Variants in VGF observed in about 807,000 individuals in gnomAD.
VGF encodes VGF nerve growth factor inducible, also known as neurosecretory protein VGF.
Under a neutral mutation model 41.1 loss-of-function variants are expected in VGF, and 13 were observed. The ratio of observed to expected loss-of-function variants is 0.32; its 90% CI spans 0.21 to 0.50. VGF has a LOEUF of 0.50. Among genes scored for constraint, VGF ranks in the 20% least tolerant of loss-of-function variants. VGF has a pLI of 0.98. For missense variants in VGF, 920 were observed against 882.1 expected (o/e 1.04, Z -0.54); for synonymous variants, 473 against 418.3 (o/e 1.13, Z -1.60).
intron 1 of VGF, 158 bp from the exon 2 acceptor site, chr7:101,165,021 T>A (rs1797195758): frequency 2.0e-5 from 27 of 1,338,994 alleles, no homozygotes; most frequent in Non-Finnish European, 2.5e-5. Context: ...AGGAGGAAGA[T>A]GTTGTGCCGA....
chr7:101,164,983 T>C (rs1368446491), intron 1 of VGF, 120 bp from the exon 2 acceptor site: 2 of 1,384,986 alleles, frequency 1.4e-6, no homozygotes, highest in African/African-American at 1.5e-5. Flanking sequence ...CCCCAAACCT[T>C]ACCCAGAAGA....
At position 101,163,613 on chromosome 7, in the gene VGF, C is replaced by G. The variant is rs908901172; in HGVS notation, c.1231G>C (p.Gly411Arg). 1.2e-5 allele frequency: 18 copies of G among 1,551,648 alleles called. No individual in the cohort carries two copies. The highest frequency in any genetic ancestry group is 1.8e-4 in the Middle Eastern group (1 of 5,676). ...NALLFAEEED[G>R]EAGAEDKRSQ... ...CGCTTGTCCTCGGCGCCGGCTTCCCCGTCCTCCTCCTCCGCGAACAGGAGC... is the reference window on the plus strand; with the variant it reads ...CGCTTGTCCTCGGCGCCGGCTTCCCGGTCCTCCTCCTCCGCGAACAGGAGC... The change falls in exon 2 of 2, where the codon GGG (glycine) becomes CGG (arginine). Residue 411 changes from glycine (G) to arginine (R), a missense_variant. Coordinates refer to ENST00000249330, the MANE Select transcript of VGF (RefSeq NM_003378.4). The surrounding 1 kb of genome is among the most constrained non-coding windows in gnomAD (Gnocchi z 5.0).
upstream of VGF, among the ~76,000 whole-genome samples, chr7:101,169,906 G>A (rs1797279991): frequency 1.3e-5 from 2 of 152,312 alleles, no homozygotes; most frequent in African/African-American, 4.8e-5. Flanking sequence ...ACACTCACAC[G>A]GACGAAAACC....
chr7:101,164,547 T>A lies in VGF; in HGVS notation c.297A>T (p.Pro99=), dbSNP rs1170641005. 1 of 1,599,232 alleles carries A rather than the reference T, an allele frequency of 6.3e-7. No individual in the cohort carries two copies. The highest frequency in any genetic ancestry group is 1.1e-5 in the South Asian group (1 of 90,498). Residue 99 remains proline (P), a synonymous_variant, in exon 2 of 2, where the codon CCA becomes CCT. Coordinates refer to ENST00000249330, the MANE Select transcript of VGF (RefSeq NM_003378.4). Reference sequence around the variant, plus strand: ...CCTCCGGCCCCTGCTGGGAGCCGCTTGGTGCCGGGGGTGAGGCGGGACGGT... The same window carrying A: ...CCTCCGGCCCCTGCTGGGAGCCGCTAGGTGCCGGGGGTGAGGCGGGACGGT... ...ALDRPASPPA[P]SGSQQGPEEE...
rs369363364 is a variant in VGF, at chr7:101,163,095, C to G, written c.1749G>C (p.Ala583=). The change falls in exon 2 of 2, where the codon GCG becomes GCC. Residue 583 remains alanine (A), a synonymous_variant. Coordinates refer to ENST00000249330, the MANE Select transcript of VGF (RefSeq NM_003378.4). This position sits in a 1 kb window ranked among gnomAD's most constrained non-coding sequence, Gnocchi z 5.0. ...SRHYPGREAQ[A]RRAQEEAEAE... ...CCTCCGCCTCCTCCTGCGCGCGCCG[C>G]GCCTGGGCCTCCCGGCCGGGATAGT... 7.6e-6 allele frequency: 12 copies of G among 1,579,238 alleles called. No individual in the cohort carries two copies. Among genetic ancestry groups the G allele is most frequent in the Non-Finnish European group, 1.0e-5 (12 of 1,166,588 alleles).
In VGF at chr7:101,164,304, C is replaced by G. The variant is rs765733381; in HGVS notation, c.540G>C (p.Thr180=). Residue 180 remains threonine, a synonymous_variant, in exon 2 of 2, where the codon ACG becomes ACC. Transcript: ENST00000249330. ...TGCGGGTTTCCGTCTCTGCTGCCGCCGTCTCCTGCTGGCGCTTGGCGCTAC... is the reference window on the plus strand; with the variant it reads ...TGCGGGTTTCCGTCTCTGCTGCCGCGGTCTCCTGCTGGCGCTTGGCGCTAC... ...SPSSAKRQQE[T]AAAETETRTH... 1.9e-6 allele frequency: 3 copies of G among 1,609,672 alleles called. No homozygotes were observed. The highest frequency in any genetic ancestry group is 2.5e-6 in the Non-Finnish European group (3 of 1,179,828).
At position 101,164,406 on chromosome 7, in the gene VGF, C is replaced by A. The variant is rs1353931506; in HGVS notation, c.438G>T (p.Gly146=). 3 of 1,610,724 alleles carry A rather than the reference C, an allele frequency of 1.9e-6. No individual in the cohort carries two copies. The highest frequency in any genetic ancestry group is 2.5e-6 in the Non-Finnish European group (3 of 1,179,702). ...CCTCGGAGGGATCGCTCGCCTCGGG[C>A]CCATTCTCCGGAGTCTGAGGGCGAG... ...APPRPQTPEN[G]PEASDPSEEL... The change falls in exon 2 of 2, where the codon GGG becomes GGT. Residue 146 remains glycine, a synonymous_variant. Transcript: ENST00000249330.
Position 101,162,693 on chromosome 7 carries a change from G to A in VGF, c.*303C>T. The A allele has an allele frequency of 1.9e-6, 1 of 515,062 alleles. No homozygotes were observed. Among genetic ancestry groups the A allele is most frequent in the Non-Finnish European group, 3.7e-6 (1 of 273,300 alleles). 31.9% of individuals were successfully genotyped at this position (515,062 alleles called of 1,614,324 possible). ...CAATTAACTGGAACTGCTTTTTCCG[G>A]TTTCCGACGGGGACGTCCCCAGAGG... On this transcript the variant is annotated 3_prime_UTR_variant, in exon 2 of 2. Coordinates refer to ENST00000249330, the MANE Select transcript of VGF (RefSeq NM_003378.4). This position sits in a 1 kb window ranked among gnomAD's most constrained non-coding sequence, Gnocchi z 4.2.
upstream of VGF, chr7:101,165,626 C>T (rs955956410): frequency 5.7e-5 from 56 of 985,266 alleles, no homozygotes; most frequent in South Asian, 9.4e-5. Flanking sequence ...GTCACGTGGG[C>T]GCGCCCCGCC....
chr7:101,169,016 C>T (rs182086921), upstream of VGF, among the ~76,000 whole-genome samples: 357 of 152,210 alleles, frequency 2.3e-3, 1 homozygote, highest in African/African-American at 8.0e-3. Flanking sequence ...CTTGCCCTAT[C>T]CTCTCCCCAT....
intron 1 of VGF, 29 bp from the exon 2 acceptor site, chr7:101,164,892 G>C: frequency 6.6e-7 from 1 of 1,503,900 alleles, no homozygotes; most frequent in Non-Finnish European, 8.9e-7. Flanking sequence ...CAAAAAAAGA[G>C]GATTTCTGTA....
At position 101,163,689 on chromosome 7, in the gene VGF, C is replaced by T. The variant is rs917741204; in HGVS notation, c.1155G>A (p.Ala385=). 1 of 1,537,314 alleles carries T rather than the reference C, an allele frequency of 6.5e-7. No individual in the cohort carries two copies. Among genetic ancestry groups the T allele is most frequent in the Non-Finnish European group, 8.7e-7 (1 of 1,147,044 alleles). The change falls in exon 2 of 2, where the codon GCG becomes GCA. Residue 385 remains alanine (A), a synonymous_variant. Transcript: ENST00000249330. This position sits in a 1 kb window ranked among gnomAD's most constrained non-coding sequence, Gnocchi z 5.0. ...EERVGEEDEE[A]AEAEAEAEEA... ...CCTCCGCCTCTGCCTCCGCCTCGGC[C>T]GCCTCCTCATCCTCTTCCCCCACCC...
rs909108577 is a variant in VGF, at chr7:101,163,411, T to C, written c.1433A>G (p.Glu478Gly). The C allele has an allele frequency of 4.4e-6, 7 of 1,607,532 alleles. No homozygotes were observed. The highest frequency in any genetic ancestry group is 5.1e-6 in the Non-Finnish European group (6 of 1,179,532). The change falls in exon 2 of 2, where the codon GAG (glutamate) becomes GGG (glycine). Residue 478 changes from glutamate to glycine, a missense_variant. Coordinates refer to ENST00000249330, the MANE Select transcript of VGF (RefSeq NM_003378.4). The surrounding 1 kb of genome is among the most constrained non-coding windows in gnomAD (Gnocchi z 5.0). ...DVVSIIEEVE[E>G]KRKRKKNAPP... ...GGCGTTCTTCTTCCGCTTCCGCTTCTCCTCCACCTCCTCGATGATGCTGAC... is the reference window on the plus strand; with the variant it reads ...GGCGTTCTTCTTCCGCTTCCGCTTCCCCTCCACCTCCTCGATGATGCTGAC...
chr7:101,164,998 C>T (rs1181744425), intron 1 of VGF, 135 bp from the exon 2 acceptor site: 11 of 1,374,424 alleles, frequency 8.0e-6, no homozygotes, highest in Non-Finnish European at 1.0e-5. Context: ...AGAAGAGGAA[C>T]GTTTAGGAGC....
chr7:101,164,888 AAG>A lies in VGF; in HGVS notation c.-20-27_-20-26del, dbSNP rs1562869944. ...ACTGAAAAATAGAAGGGACCAAAAA[AAG>A]AGGATTTCTGTAAGAATTCCCCTCT... On this transcript the variant is annotated intron_variant, in intron 1 of 1. Transcript: ENST00000249330. 2.0e-6 allele frequency: 3 copies of A among 1,507,708 alleles called. No homozygotes were observed. In the South Asian group the frequency reaches 4.1e-5, roughly 20 times the overall value. 93.4% of individuals were successfully genotyped at this position (1,507,708 alleles called of 1,614,324 possible). A position where few individuals can be genotyped will look rare whatever the true frequency, so the allele number is the denominator to read the frequency against.
rs770683595 is a variant in VGF, at chr7:101,163,758, C to T, written c.1086G>A (p.Arg362=). Residue 362 remains arginine, a synonymous_variant, in exon 2 of 2, where the codon AGG becomes AGA. Transcript: ENST00000249330. The surrounding 1 kb of genome is among the most constrained non-coding windows in gnomAD (Gnocchi z 5.0). ...QEAAEERESA[R]EEEEAEQERR... ...TCTCCTGCTCCGCCTCCTCCTCCTC[C>T]CTTGCACTCTCTCGCTCCTCCGCCG... 2.0e-6 allele frequency: 3 copies of T among 1,532,622 alleles called. No homozygotes were observed. Among genetic ancestry groups the T allele is most frequent in the African/African-American group, 1.4e-5 (1 of 73,098 alleles). The allele number at this position is 1,532,622 out of a possible 1,614,324, so 94.9% of individuals were successfully genotyped here. A position where few individuals can be genotyped will look rare whatever the true frequency, so the allele number is the denominator to read the frequency against.
At chr7:101,169,283 C>A (rs564661968), upstream of VGF, among the ~76,000 whole-genome samples, 38 of 141,044 alleles carry the variant, frequency 2.7e-4, no homozygotes, top group Non-Finnish European at 4.3e-4. Flanking sequence ...GAAGAGAGAG[C>A]CACTGGAGAG....
upstream of VGF, among the ~76,000 whole-genome samples, chr7:101,167,657 G>C (rs548806331): frequency 1.4e-4 from 21 of 152,338 alleles, 1 homozygote; most frequent in South Asian, 4.1e-3. The surrounding 1 kb of genome is among the most constrained non-coding windows in gnomAD (Gnocchi z 4.2). Context: ...GGCTGACTGA[G>C]TGGCTGATGG....
At chr7:101,165,932 AG>A (rs1182672688), upstream of VGF, among the ~76,000 whole-genome samples, 1 of 152,196 alleles carries the variant, frequency 6.6e-6, no homozygotes, top group Non-Finnish European at 1.5e-5. Flanking sequence ...GGAAGGCGGG[AG>A]GGTGGGTTGC....
Sources: allele counts gnomAD v4.1 joint callset (sites outside exome capture counted in the v4.1 genomes callset), GRCh38; gene constraint gnomAD v4.1.1; non-coding constraint Gnocchi (gnomAD v3.1); transcripts MANE v1.5; gene names NCBI Gene and HGNC (gene_info 2026-07-23, HGNC 2026-07-21).